DTNA: variants seen among roughly 807,000 people sequenced by gnomAD.
The protein encoded by DTNA is dystrobrevin alpha.
In DTNA, 43 loss-of-function variants were observed where a neutral mutation model predicts 100.7. The observed-to-expected ratio is 0.43, with a 90% CI of 0.33 to 0.55. The LOEUF (loss-of-function observed/expected upper bound fraction) is 0.55. Ranked by LOEUF, DTNA falls within the 20% of genes least tolerant of loss-of-function variation. The probability of loss-of-function intolerance (pLI) is 0.04; values close to 1 mark genes in which losing one functional copy is unlikely to be tolerated. For synonymous variants in DTNA, 349 were observed against 347.9 expected, an observed-to-expected ratio of 1.00 and a Z score of -0.04; for missense variants, 798 against 953.9, an observed-to-expected ratio of 0.84 and a Z score of 2.15.
chr18:34,851,982 A>C, intron 15 of DTNA, 54 bp downstream of exon 15: 1 of 1,572,866 alleles, frequency 6.4e-7, no homozygotes, highest in Non-Finnish European at 8.7e-7. Context: ...ATTCCTTAAT[A>C]AACTATGGTC....
intron 1 of DTNA, among the ~76,000 whole-genome samples, chr18:34,633,855 A>G (rs928981044): frequency 2.0e-5 from 3 of 152,226 alleles, no homozygotes; most frequent in East Asian, 1.9e-4. Flanking sequence ...TAAAACTTCA[A>G]TCAACTGTTT....
At chr18:34,870,222 A>G (rs1232265344) in intron 17 of DTNA, among the ~76,000 whole-genome samples, 3 of 152,238 alleles carry the variant, frequency 2.0e-5, no homozygotes, top group Non-Finnish European at 4.4e-5. Flanking sequence ...AAAGTCAAGC[A>G]TCATTCCAAA....
intron 4 of DTNA, among the ~76,000 whole-genome samples, chr18:34,796,188 C>T (rs1029169696): frequency 4.6e-5 from 7 of 152,308 alleles, no homozygotes; most frequent in African/African-American, 9.6e-5. Context: ...GACACTTCTG[C>T]GTTTGCTCCT....
chr18:34,871,118 G>A (rs538619538), intron 17 of DTNA, among the ~76,000 whole-genome samples: 1 of 152,324 alleles, frequency 6.6e-6, no homozygotes, highest in East Asian at 1.9e-4. Context: ...CTGAGAGGCA[G>A]ACTCTTCAGG....
At chr18:34,559,227 A>C (rs2046408058) in intron 1 of DTNA, among the ~76,000 whole-genome samples, 1 of 152,254 alleles carries the variant, frequency 6.6e-6, no homozygotes, top group Admixed American at 6.5e-5. Flanking sequence ...TAGTTCTAAA[A>C]GGAAATAAAC....
At chr18:34,498,937 G>A (rs1369721245) in intron 1 of DTNA, among the ~76,000 whole-genome samples, 1 of 152,096 alleles carries the variant, frequency 6.6e-6, no homozygotes, top group African/African-American at 2.4e-5. Flanking sequence ...GATAATTTGA[G>A]GTTCATATGC....
chr18:34,702,798 A>G (rs1028991998), intron 1 of DTNA, among the ~76,000 whole-genome samples: 3 of 152,220 alleles, frequency 2.0e-5, no homozygotes, highest in Admixed American at 2.0e-4. Context: ...TATTCCAAAA[A>G]AAAGAGCAAT....
At chr18:34,669,267 T>C (rs2076396476) in intron 1 of DTNA, among the ~76,000 whole-genome samples, 1 of 152,204 alleles carries the variant, frequency 6.6e-6, no homozygotes, top group Non-Finnish European at 1.5e-5. Context: ...TTTTTTGTTT[T>C]CCATTTGCTT....
chr18:34,520,524 CAT>C (rs2042053440), intron 1 of DTNA, among the ~76,000 whole-genome samples: 1 of 152,050 alleles, frequency 6.6e-6, no homozygotes, highest in Non-Finnish European at 1.5e-5. Context: ...CATGGTGGCA[CAT>C]GCCTGTAATT....
intron 17 of DTNA, among the ~76,000 whole-genome samples, chr18:34,864,913 G>A (rs766262170): frequency 1.3e-5 from 2 of 152,220 alleles, no homozygotes; most frequent in Non-Finnish European, 2.9e-5. Flanking sequence ...TCATTGGGAA[G>A]TGGCATTCTT....
At chr18:34,873,647 A>C (rs2096787173) in intron 17 of DTNA, among the ~76,000 whole-genome samples, 1 of 152,216 alleles carries the variant, frequency 6.6e-6, no homozygotes, top group African/African-American at 2.4e-5. Context: ...TTAGAGTAAG[A>C]ATGCATACTT....
chr18:34,771,802 A>C (rs902802937), intron 3 of DTNA, among the ~76,000 whole-genome samples: 7 of 152,194 alleles, frequency 4.6e-5, no homozygotes, highest in Non-Finnish European at 8.8e-5. Context: ...TTAACTTTCC[A>C]CAAAAATTAA....
chr18:34,889,540 A>T lies in DTNA; in HGVS notation c.*1806A>T, dbSNP rs578125846. On this transcript the variant is annotated 3_prime_UTR_variant, in exon 23 of 23. Transcript: ENST00000444659. ...GCAAAAACCTTCTCTGAACCCACAC[A>T]CCAAGTTCGTAGTTGGTAGGTGCCC... 69 of 985,388 alleles carry T rather than the reference A, an allele frequency of 7.0e-5. No homozygotes were observed. The African/African-American group carries it at 1.1e-3, about 16-fold the overall frequency. 61.0% of individuals were successfully genotyped at this position (985,388 alleles called of 1,614,324 possible). A position where few individuals can be genotyped will look rare whatever the true frequency, so the allele number is the denominator to read the frequency against.
intron 1 of DTNA, among the ~76,000 whole-genome samples, chr18:34,533,197 C>T (rs2043323213): frequency 6.6e-6 from 1 of 151,498 alleles, no homozygotes; most frequent in Non-Finnish European, 1.5e-5. Flanking sequence ...ATGGTAAAAC[C>T]CTGTCTCTAC....
intron 1 of DTNA, among the ~76,000 whole-genome samples, chr18:34,746,537 C>G (rs1019942702): frequency 6.6e-6 from 1 of 152,070 alleles, no homozygotes; most frequent in Admixed American, 6.6e-5. Flanking sequence ...TGCCAAGATA[C>G]ATCGTATTGA....
intron 5 of DTNA, among the ~76,000 whole-genome samples, chr18:34,807,829 G>A (rs959627615): frequency 2.7e-5 from 4 of 147,944 alleles, no homozygotes; most frequent in Non-Finnish European, 4.4e-5. Flanking sequence ...AAATTAGAAG[G>A]TGCTGACACC....
At chr18:34,589,878 T>C (rs1443918557) in intron 1 of DTNA, among the ~76,000 whole-genome samples, 1 of 152,210 alleles carries the variant, frequency 6.6e-6, no homozygotes, top group Admixed American at 6.5e-5. Context: ...TTTCTGTGCC[T>C]GGCTTATTTC....
chr18:34,706,184 G>A (rs927233550), upstream of DTNA, among the ~76,000 whole-genome samples: 1 of 152,160 alleles, frequency 6.6e-6, no homozygotes, highest in African/African-American at 2.4e-5. Context: ...CCGACCTCAG[G>A]TGATCCACTC....
intron 1 of DTNA, among the ~76,000 whole-genome samples, chr18:34,656,661 A>T (rs1435371085): frequency 1.3e-5 from 2 of 152,180 alleles, no homozygotes; most frequent in Non-Finnish European, 2.9e-5. Context: ...AAAGAGTTTT[A>T]TTAACAACAC....
Sources: allele counts gnomAD v4.1 joint callset (sites outside exome capture counted in the v4.1 genomes callset), GRCh38; gene constraint gnomAD v4.1.1; transcripts MANE v1.5; gene names NCBI Gene and HGNC (gene_info 2026-07-23, HGNC 2026-07-21).